The following CCNI2 variants were observed in gnomAD, a reference collection of about 807,000 sequenced individuals.
CCNI2 encodes cyclin I family member 2, also known as cyclin-I2.
A neutral mutation model predicts 33.2 loss-of-function variants in CCNI2; 32 were observed. That is an observed-to-expected ratio of 0.96 (90% CI 0.73 to 1.30). The LOEUF (loss-of-function observed/expected upper bound fraction) is 1.30. CCNI2 is among the 50% of genes most tolerant of loss of function. The pLI is 0.00. For synonymous variants in CCNI2, 231 were observed against 219.9 expected, an observed-to-expected ratio of 1.05 and a Z score of -0.45; for missense variants, 452 against 486.2, an observed-to-expected ratio of 0.93 and a Z score of 0.66.
chr5:132,751,300 A>G (rs534703462), intron 4 of CCNI2: 2 of 296,056 alleles, frequency 6.8e-6, no homozygotes, highest in East Asian at 1.4e-4. Flanking sequence ...TTTCCATTCT[A>G]TGAATACTGT....
chr5:132,747,933 C>G lies in CCNI2; in HGVS notation c.429+9C>G. ...GGGGCGGCAAACCCCAGGTACCCGT[C>G]GCTGCCGCGTGGCCCTCCTCGCGCG... On this transcript the variant is annotated intron_variant, in intron 1 of 5. Coordinates refer to ENST00000378731, the MANE Select transcript of CCNI2 (RefSeq NM_001039780.4). This position sits in a 1 kb window ranked among gnomAD's most constrained non-coding sequence, Gnocchi z 4.1. 1 of 1,370,916 alleles carries G rather than the reference C, an allele frequency of 7.3e-7. No homozygotes were observed. Among genetic ancestry groups the G allele is most frequent in the Non-Finnish European group, 9.4e-7 (1 of 1,068,822 alleles). 84.9% of individuals were successfully genotyped at this position (1,370,916 alleles called of 1,614,324 possible). A position where few individuals can be genotyped will look rare whatever the true frequency, so the allele number is the denominator to read the frequency against.
At position 132,749,140 on chromosome 5, in the gene CCNI2, T is replaced by C. The variant is rs539698504; in HGVS notation, c.559-208T>C. On this transcript the variant is annotated intron_variant, in intron 2 of 5. Transcript: ENST00000378731. Reference sequence around the variant, plus strand: ...GTGTGGTGGCCCGCCCCTATAGTCCTAGCTACTCAGGAGGCTGTGACAGGA... The same window carrying C: ...GTGTGGTGGCCCGCCCCTATAGTCCCAGCTACTCAGGAGGCTGTGACAGGA... Among the ~76,000 whole-genome samples, 11 of 152,146 alleles carry C rather than the reference T, an allele frequency of 7.2e-5. No individual in the cohort carries two copies. The East Asian group carries it at 2.1e-3, about 29-fold the overall frequency.
chr5:132,748,597 G>T (rs1296628330), intron 2 of CCNI2, 122 bp downstream of exon 2: 13 of 1,208,300 alleles, frequency 1.1e-5, no homozygotes, highest in African/African-American at 1.5e-5. Flanking sequence ...AAACTAACTT[G>T]CTCCGAGTGG....
Position 132,747,440 on chromosome 5 carries a change from T to A in CCNI2, c.-56T>A. The stretch of plus-strand genomic sequence containing the variant: ...CCCCAGGCTGCAGTGTTCCGGGAGC[T>A]GGGTTATAAAATGCCGGGTTAAGCG... On this transcript the variant is annotated 5_prime_UTR_variant, in exon 1 of 6. Coordinates refer to ENST00000378731, the MANE Select transcript of CCNI2 (RefSeq NM_001039780.4). The surrounding 1 kb of genome is among the most constrained non-coding windows in gnomAD (Gnocchi z 4.1). 7.3e-7 allele frequency: 1 copy of A among 1,364,498 alleles called. No homozygotes were observed. The highest frequency in any genetic ancestry group is 9.4e-7 in the Non-Finnish European group (1 of 1,060,362). 84.5% of individuals were successfully genotyped at this position (1,364,498 alleles called of 1,614,324 possible).
Position 132,747,524 on chromosome 5 carries a change from A to T in CCNI2, c.29A>T (p.Gln10Leu), listed in dbSNP as rs748295286. The change falls in exon 1 of 6, where the codon CAG (glutamine) becomes CTG (leucine). Residue 10 changes from glutamine to leucine, a missense_variant. Gln to Leu is a moderately radical substitution (Grantham distance 113). Transcript: ENST00000378731. This position sits in a 1 kb window ranked among gnomAD's most constrained non-coding sequence, Gnocchi z 4.1. ...GCCTCGGGCGCTCAGCTCCCGCCGC[A>T]GCCGTCGAGCTCAGAGGTCAGCGCC... MASGAQLPP[Q>L]PSSSEVSAVQ... 1 of 1,500,324 alleles carries T rather than the reference A, an allele frequency of 6.7e-7. No homozygotes were observed. The highest frequency in any genetic ancestry group is 1.3e-5 in the South Asian group (1 of 79,850). The allele number at this position is 1,500,324 out of a possible 1,614,324, so 92.9% of individuals were successfully genotyped here. A position where few individuals can be genotyped will look rare whatever the true frequency, so the allele number is the denominator to read the frequency against.
chr5:132,751,776 GT>G, intron 4 of CCNI2, 189 bp from the exon 5 acceptor site: 1 of 648,968 alleles, frequency 1.5e-6, no homozygotes, highest in Non-Finnish European at 2.6e-6. Flanking sequence ...TGGTCCCGGA[GT>G]GGAAGCTCAG....
At position 132,750,928 on chromosome 5, in the gene CCNI2, G is replaced by A. The variant is rs763975535; in HGVS notation, c.705G>A (p.Met235Ile). ...ATTCCCCGAATGAGCTGCTGAGGATGGAGCTGGCTATTCTGGACAGACTGC... is the reference window on the plus strand; with the variant it reads ...ATTCCCCGAATGAGCTGCTGAGGATAGAGCTGGCTATTCTGGACAGACTGC... Reference protein sequence around the residue: ...SDYSPNELLRMELAILDRLHW... With the variant: ...SDYSPNELLRIELAILDRLHW... Residue 235 changes from methionine (M) to isoleucine (I), a missense_variant, in exon 4 of 6, where the codon ATG becomes ATA. Met to Ile is a conservative substitution (Grantham distance 10). Transcript: ENST00000378731. 3.1e-6 allele frequency: 5 copies of A among 1,614,152 alleles called. No individual in the cohort carries two copies. The highest frequency in any genetic ancestry group is 3.3e-5 in the Admixed American group (2 of 60,016).
rs1436650573 is a variant in CCNI2 at position 132,753,020 on chromosome 5, T to C, written c.*50T>C. The C allele has an allele frequency of 2.1e-6, 3 of 1,402,510 alleles. No individual in the cohort carries two copies. Among genetic ancestry groups the C allele is most frequent in the Non-Finnish European group, 3.0e-6 (3 of 989,198 alleles). The allele number at this position is 1,402,510 out of a possible 1,614,324, so 86.9% of individuals were successfully genotyped here. A position where few individuals can be genotyped will look rare whatever the true frequency, so the allele number is the denominator to read the frequency against. On this transcript the variant is annotated 3_prime_UTR_variant, in exon 6 of 6. Transcript: ENST00000378731. ...TTCAGAGCATAGTGTGAAACCTCCT[T>C]GCTTGGACTACCATGAGTTCTTTGG... is the stretch of plus-strand genomic sequence containing the variant.
At chr5:132,749,552 C>A in intron 3 of CCNI2, 130 bp downstream of exon 3, 1 of 719,784 alleles carries the variant, frequency 1.4e-6, no homozygotes. Context: ...ACCAACTTGC[C>A]GGCATCTCTG....
chr5:132,749,426 TG>T lies in CCNI2; in HGVS notation c.633+5del. ...AAAAGTTAATGAAGAAGAGGAGGTA[TG>T]CATCCTTGGAAGTCCACACTGGGCT... is the stretch of plus-strand genomic sequence containing the variant. On this transcript the variant is annotated splice_donor_5th_base_variant and intron_variant, in intron 3 of 5. Transcript: ENST00000378731. 1 of 1,613,438 alleles carries T rather than the reference TG, an allele frequency of 6.2e-7. No individual in the cohort carries two copies. Among genetic ancestry groups the T allele is most frequent in the Non-Finnish European group, 8.5e-7 (1 of 1,179,370 alleles).
chr5:132,750,081 G>A (rs1754744057), intron 3 of CCNI2, among the ~76,000 whole-genome samples: 1 of 152,168 alleles, frequency 6.6e-6, no homozygotes, highest in Non-Finnish European at 1.5e-5. Flanking sequence ...GCTGATCTCT[G>A]GGTCTGAGGA....
chr5:132,755,428 G>A (rs527546447), downstream of CCNI2, among the ~76,000 whole-genome samples: 2 of 152,270 alleles, frequency 1.3e-5, no homozygotes, highest in East Asian at 3.9e-4. Flanking sequence ...TCATTCCATT[G>A]AGATGCCAAG....
Position 132,747,465 on chromosome 5 carries a change from G to T in CCNI2, c.-31G>T. ...TGGGTTATAAAATGCCGGGTTAAGCGGCAACTCAGACTCAGGATCCCGCTC... is the reference window on the plus strand; with the variant it reads ...TGGGTTATAAAATGCCGGGTTAAGCTGCAACTCAGACTCAGGATCCCGCTC... On this transcript the variant is annotated 5_prime_UTR_variant, in exon 1 of 6. Coordinates refer to ENST00000378731, the MANE Select transcript of CCNI2 (RefSeq NM_001039780.4). The surrounding 1 kb of genome is among the most constrained non-coding windows in gnomAD (Gnocchi z 4.1). 7.1e-7 allele frequency: 1 copy of T among 1,413,360 alleles called. No individual in the cohort carries two copies. The highest frequency in any genetic ancestry group is 9.2e-7 in the Non-Finnish European group (1 of 1,090,650). 87.6% of individuals were successfully genotyped at this position (1,413,360 alleles called of 1,614,324 possible).
Position 132,753,488 on chromosome 5 carries a change from TG to T in CCNI2, c.*521del, listed in dbSNP as rs1267874066. On this transcript the variant is annotated 3_prime_UTR_variant, in exon 6 of 6. Transcript: ENST00000378731. The stretch of plus-strand genomic sequence containing the variant: ...ACTACCCTGCCTGCCACTCCTCACA[TG>T]GGACAGTCTCTGCAGATGCATTTAC... The T allele has an allele frequency of 6.3e-6, 1 of 158,118 alleles. No individual in the cohort carries two copies. Among genetic ancestry groups the T allele is most frequent in the East Asian group, 1.8e-4 (1 of 5,540 alleles). 9.8% of individuals were successfully genotyped at this position (158,118 alleles called of 1,614,324 possible). A position where few individuals can be genotyped will look rare whatever the true frequency, so the allele number is the denominator to read the frequency against.
In CCNI2 at chr5:132,753,231, G is replaced by A; in HGVS notation, c.*261G>A. ...TTTTTCTCCTCTGGGCCTGAAGCCA[G>A]GGAGTATGAATGAATGTTCAAATGG... is the stretch of plus-strand genomic sequence containing the variant. On this transcript the variant is annotated 3_prime_UTR_variant, in exon 6 of 6. Coordinates refer to ENST00000378731, the MANE Select transcript of CCNI2 (RefSeq NM_001039780.4). The A allele has an allele frequency of 6.4e-6, 3 of 469,690 alleles. No individual in the cohort carries two copies. The highest frequency in any genetic ancestry group is 7.7e-6 in the Non-Finnish European group (2 of 259,098). The allele number at this position is 469,690 out of a possible 1,614,324, so 29.1% of individuals were successfully genotyped here.
downstream of CCNI2, chr5:132,755,977 A>G: frequency 3.0e-6 from 3 of 985,322 alleles, no homozygotes; most frequent in Non-Finnish European, 3.6e-6. Context: ...CAGAAAAGCT[A>G]CTGCCCAAAA....
At chr5:132,754,563 G>C (rs773780775), downstream of CCNI2, 3 of 716,446 alleles carry the variant, frequency 4.2e-6, no homozygotes, top group Non-Finnish European at 7.8e-6. Context: ...CTAGGACTGG[G>C]GTAAGAGACA....
chr5:132,752,307 GC>G, intron 5 of CCNI2, 111 bp downstream of exon 5: 2 of 1,272,252 alleles, frequency 1.6e-6, no homozygotes, highest in Non-Finnish European at 2.1e-6. Flanking sequence ...AAATGTTCTG[GC>G]CATAACCCTG....
chr5:132,747,652 C>A lies in CCNI2; in HGVS notation c.157C>A (p.Arg53=). The change falls in exon 1 of 6, where the codon CGG becomes AGG. Residue 53 remains arginine (R), a synonymous_variant. Coordinates refer to ENST00000378731, the MANE Select transcript of CCNI2 (RefSeq NM_001039780.4). This position sits in a 1 kb window ranked among gnomAD's most constrained non-coding sequence, Gnocchi z 4.1. Reference sequence around the variant, plus strand: ...GGAGGCCCCTCTGCCCCGAAGCAACCGGAGCAGGTGCCCTGGGACCCGCCA... The same window carrying A: ...GGAGGCCCCTCTGCCCCGAAGCAACAGGAGCAGGTGCCCTGGGACCCGCCA... ...PGEAPLPRSN[R]SRCPGTRQPG... 6.7e-7 allele frequency: 1 copy of A among 1,503,630 alleles called. No homozygotes were observed. The highest frequency in any genetic ancestry group is 8.8e-7 in the Non-Finnish European group (1 of 1,133,272). The allele number at this position is 1,503,630 out of a possible 1,614,324, so 93.1% of individuals were successfully genotyped here.
Sources: gnomAD v4.1 joint callset for allele counts (sites outside exome capture counted in the v4.1 genomes callset) on GRCh38, gnomAD v4.1.1 for gene constraint, Gnocchi (gnomAD v3.1) non-coding constraint, MANE v1.5 for transcripts, NCBI Gene and HGNC (gene_info 2026-07-23, HGNC 2026-07-21) for gene names.